Variants in MYO5A observed in about 807,000 individuals in gnomAD.
MYO5A encodes the protein myosin VA, also known as unconventional myosin-Va.
In MYO5A, 98 loss-of-function variants were observed where a neutral mutation model predicts 249.7. That is an observed-to-expected ratio of 0.39 (90% confidence interval 0.33 to 0.46). The LOEUF (loss-of-function observed/expected upper bound fraction) is 0.46. MYO5A is among the 20% of genes least tolerant of loss of function. The pLI is 0.98. For synonymous variants in MYO5A, 778 were observed against 810.6 expected (o/e 0.96, Z 0.68); for missense variants, 1,696 against 2,308.8 (o/e 0.73, Z 5.44).
intron 1 of MYO5A, chr15:52,505,655 C>T (rs1027202855): frequency 2.4e-5 from 30 of 1,268,834 alleles, no homozygotes; most frequent in Middle Eastern, 2.6e-4. Context: ...ACAGATATGG[C>T]GAAATTAGAG....
intron 6 of MYO5A, among the ~76,000 whole-genome samples, chr15:52,408,597 G>A (rs999062670): frequency 7.9e-5 from 12 of 152,118 alleles, no homozygotes; most frequent in Non-Finnish European, 4.4e-5. Flanking sequence ...AGTCACAAAT[G>A]TACATCTTCT....
At chr15:52,524,701 G>T (rs2077698049) in intron 1 of MYO5A, among the ~76,000 whole-genome samples, 1 of 151,850 alleles carries the variant, frequency 6.6e-6, no homozygotes, top group Admixed American at 6.6e-5. Context: ...AACATACTGA[G>T]ACTATCTCTA....
At chr15:52,508,650 C>G (rs2077325135) in intron 1 of MYO5A, among the ~76,000 whole-genome samples, 1 of 152,184 alleles carries the variant, frequency 6.6e-6, no homozygotes, top group African/African-American at 2.4e-5. Flanking sequence ...AAACATTAAC[C>G]CTGTTTACTC....
chr15:52,454,010 C>T (rs879932064), intron 1 of MYO5A, among the ~76,000 whole-genome samples: 4 of 152,002 alleles, frequency 2.6e-5, no homozygotes, highest in Non-Finnish European at 4.4e-5. Context: ...AAAGTACTTA[C>T]TTATCAATAA....
At chr15:52,368,832 T>C (rs544832957) in intron 22 of MYO5A, among the ~76,000 whole-genome samples, 5 of 152,316 alleles carry the variant, frequency 3.3e-5, no homozygotes, top group East Asian at 1.9e-4. Flanking sequence ...GTGTTTATTC[T>C]ATCAGACTAG....
At chr15:52,505,583 A>G in intron 1 of MYO5A, 1 of 1,530,432 alleles carries the variant, frequency 6.5e-7, no homozygotes, top group Non-Finnish European at 9.0e-7. Flanking sequence ...AAGAAAGCCA[A>G]AAAACCTGCA....
chr15:52,340,162 T>A, intron 32 of MYO5A, 34 bp downstream of exon 32: 1 of 1,611,748 alleles, frequency 6.2e-7, no homozygotes, highest in Non-Finnish European at 8.5e-7. Flanking sequence ...GCAGGCTAGG[T>A]TAAGAAGCAT....
intron 4 of MYO5A, among the ~76,000 whole-genome samples, chr15:52,417,582 T>G (rs1317564827): frequency 6.6e-6 from 1 of 152,184 alleles, no homozygotes; most frequent in Non-Finnish European, 1.5e-5. Flanking sequence ...ATGTTGAAAT[T>G]TAATTGCCAA....
chr15:52,472,135 G>A (rs2076486449), intron 1 of MYO5A, among the ~76,000 whole-genome samples: 1 of 150,536 alleles, frequency 6.6e-6, no homozygotes, highest in African/African-American at 2.5e-5. Flanking sequence ...CTGGAGTGCA[G>A]TGGCAGGATC....
intron 15 of MYO5A, 109 bp from the exon 16 acceptor site, chr15:52,383,297 A>C (rs528031698): frequency 1.1e-6 from 1 of 892,804 alleles, no homozygotes; most frequent in East Asian, 2.5e-5. Context: ...AAACTTTGCC[A>C]CTTATAAACT....
Position 52,317,090 on chromosome 15 carries a change from T to G in MYO5A, c.5367A>C (p.Ala1789=). 1 of 1,614,202 alleles carries G rather than the reference T, an allele frequency of 6.2e-7. No homozygotes were observed. Among genetic ancestry groups the G allele is most frequent in the South Asian group, 1.1e-5 (1 of 91,084 alleles). ...CATTGCACATAGAACAAATGGCTTC[T>G]GCATCATCATCTGTTTTCTTTTTCA... is the stretch of plus-strand genomic sequence containing the variant. ...LQVKKKTDDD[A]EAICSMCNAL... The change falls in exon 40 of 42, where the codon GCA becomes GCC. Residue 1789 remains alanine, a synonymous_variant. Transcript: ENST00000399233.
In MYO5A at chr15:52,321,523, G is replaced by A. The variant is rs1414188887; in HGVS notation, c.4801-14C>T. On this transcript the variant is annotated splice_polypyrimidine_tract_variant and intron_variant, in intron 37 of 41. Coordinates refer to ENST00000399233, the MANE Select transcript of MYO5A (RefSeq NM_001382347.1). ...CTTCATAAAGCCCTAGAGTCATAAG[G>A]CAAAGTTAATGATACACATGAAGTA... The A allele has an allele frequency of 6.2e-7, 1 of 1,613,874 alleles. No homozygotes were observed. The highest frequency in any genetic ancestry group is 8.5e-7 in the Non-Finnish European group (1 of 1,179,758).
chr15:52,448,520 T>C (rs2075943674), intron 1 of MYO5A, among the ~76,000 whole-genome samples: 1 of 152,182 alleles, frequency 6.6e-6, no homozygotes, highest in Non-Finnish European at 1.5e-5. Flanking sequence ...AGTTAAGACT[T>C]TGGACTATTG....
At chr15:52,325,737 G>C (rs754817655) in intron 36 of MYO5A, among the ~76,000 whole-genome samples, 3 of 151,740 alleles carry the variant, frequency 2.0e-5, no homozygotes, top group Admixed American at 6.6e-5. Flanking sequence ...AATACAATTT[G>C]AACACTAAGG....
intron 20 of MYO5A, among the ~76,000 whole-genome samples, chr15:52,373,316 G>A (rs533371284): frequency 6.6e-6 from 1 of 152,244 alleles, no homozygotes; most frequent in African/African-American, 2.4e-5. Flanking sequence ...TTTAAGAAGA[G>A]GTAGCCAGGC....
intron 19 of MYO5A, 135 bp downstream of exon 19, chr15:52,376,212 T>C (rs1259373019): frequency 2.6e-6 from 2 of 772,726 alleles, no homozygotes; most frequent in South Asian, 1.5e-5. Context: ...TTAGCTGTCC[T>C]ATGAGTTAAT....
At chr15:52,364,411 G>T in intron 24 of MYO5A, 143 bp downstream of exon 24, 1 of 703,648 alleles carries the variant, frequency 1.4e-6, no homozygotes, top group Non-Finnish European at 2.3e-6. Context: ...TGGGGAGATG[G>T]AATGGGAGGT....
intron 39 of MYO5A, among the ~76,000 whole-genome samples, chr15:52,318,467 A>AT (rs2038133502): frequency 1.3e-5 from 2 of 151,502 alleles, no homozygotes; most frequent in Non-Finnish European, 2.9e-5. Flanking sequence ...AAAAAAAAAA[A>AT]AAAAAAAAAA....
At chr15:52,353,703 C>T (rs1413408018) in intron 26 of MYO5A, 45 bp from the exon 27 acceptor site, 2 of 1,596,062 alleles carry the variant, frequency 1.3e-6, no homozygotes, top group Non-Finnish European at 1.7e-6. Flanking sequence ...CACATTTTTA[C>T]TCTTAAAATA....
Sources: allele counts gnomAD v4.1 joint callset (sites outside exome capture counted in the v4.1 genomes callset), GRCh38; gene constraint gnomAD v4.1.1; transcripts MANE v1.5; gene names NCBI Gene and HGNC (gene_info 2026-07-23, HGNC 2026-07-21).